The following FAM20C variants were observed in gnomAD, a reference collection of about 807,000 sequenced individuals.
FAM20C encodes the protein extracellular serine/threonine protein kinase FAM20C.
FAM20C carries 40 observed loss-of-function variants against 51.5 expected under a neutral mutation model. That is an observed-to-expected ratio of 0.78 (90% confidence interval 0.60 to 1.01). The LOEUF is 1.01. FAM20C is among the 50% of genes least tolerant of loss of function. The pLI, the probability that FAM20C is intolerant of heterozygous loss-of-function variation, is 0.00. For missense variants in FAM20C, 861 were observed against 844.7 expected, an observed-to-expected ratio of 1.02 and a Z score of -0.24; for synonymous variants, 406 against 380.6, an observed-to-expected ratio of 1.07 and a Z score of -0.78.
chr7:258,764 A>C (rs975818640), intron 9 of FAM20C, 59 bp downstream of exon 9: 27 of 1,456,552 alleles, frequency 1.9e-5, no homozygotes, highest in Middle Eastern at 2.0e-4. Context: ...CGCAGGAGAC[A>C]GAGGAGGCCA....
At chr7:195,352 A>T in intron 1 of FAM20C, 1 of 452,550 alleles carries the variant, frequency 2.2e-6, no homozygotes, top group Non-Finnish European at 3.8e-6. Flanking sequence ...CAGGCCTTTC[A>T]CCGTGTTATT....
chr7:255,895 G>A lies in FAM20C; in HGVS notation c.1119G>A (p.Thr373=), dbSNP rs1325601764. 3.9e-6 allele frequency: 6 copies of A among 1,536,310 alleles called. No homozygotes were observed. Among genetic ancestry groups the A allele is most frequent in the Admixed American group, 2.0e-5 (1 of 50,988 alleles). ...FYGECSYYCS[T]EHALCGKPDQ... ...GCGAGTGTTCCTACTACTGCTCCAC[G>A]GAGCACGCCCTGTGCGGGAAGCCAG... Residue 373 remains threonine (T), a synonymous_variant, in exon 6 of 10, where the codon ACG becomes ACA. Coordinates refer to ENST00000313766, the MANE Select transcript of FAM20C (RefSeq NM_020223.4).
intron 3 of FAM20C, among the ~76,000 whole-genome samples, chr7:218,617 T>C (rs1490609802): frequency 6.6e-6 from 1 of 151,998 alleles, no homozygotes; most frequent in East Asian, 1.9e-4. Flanking sequence ...CCTGGCTCTC[T>C]GGACATGACC....
At position 214,726 on chromosome 7, in the gene FAM20C, C is replaced by T. The variant is rs144202433; in HGVS notation, c.863+5750C>T. Among the ~76,000 whole-genome samples, 40 of 152,190 alleles carry T rather than the reference C, an allele frequency of 2.6e-4. No homozygotes were observed. The East Asian group carries it at 6.8e-3, about 26-fold the overall frequency. On this transcript the variant is annotated intron_variant, in intron 3 of 9. Coordinates refer to ENST00000313766, the MANE Select transcript of FAM20C (RefSeq NM_020223.4). ...CCCTTTTGACCTGGCCTAGGAGACC[C>T]GGCACTGGCTTTCCAGCTTGGAGAA... is the stretch of plus-strand genomic sequence containing the variant.
At chr7:245,639 C>T (rs985659711) in intron 3 of FAM20C, among the ~76,000 whole-genome samples, 7 of 152,248 alleles carry the variant, frequency 4.6e-5, no homozygotes, top group Middle Eastern at 3.2e-3. Flanking sequence ...TGCTCAGACA[C>T]GACCTTGACA....
chr7:231,435 TGGAGGGCCCCGTGGGA>T (rs1282119495), intron 3 of FAM20C, among the ~76,000 whole-genome samples: 1 of 141,564 alleles, frequency 7.1e-6, no homozygotes, highest in Non-Finnish European at 1.5e-5. Flanking sequence ...GGTCCTGGCG[TGGAGGGCCCCGTGGGA>T]GGAGGGTCCC....
rs979602922 is a variant in FAM20C, at chr7:192,892, C to A, written c.-308C>A. The A allele has an allele frequency of 6.7e-6, 1 of 149,204 alleles. No individual in the cohort carries two copies. The highest frequency in any genetic ancestry group is 1.5e-5 in the Non-Finnish European group (1 of 67,214). 9.2% of individuals were successfully genotyped at this position (149,204 alleles called of 1,614,324 possible). A position where few individuals can be genotyped will look rare whatever the true frequency, so the allele number is the denominator to read the frequency against. The stretch of plus-strand genomic sequence containing the variant: ...GCCGGCGGCTGCGAGCGCCGAGCCT[C>A]CCCCTGCTGCGGCCCCAGCCGCCCC... On this transcript the variant is annotated 5_prime_UTR_variant, in exon 1 of 10. Transcript: ENST00000313766.
chr7:236,129 T>C (rs1187731730), intron 3 of FAM20C, among the ~76,000 whole-genome samples: 2 of 151,976 alleles, frequency 1.3e-5, no homozygotes, highest in African/African-American at 2.4e-5. Context: ...TCAGTACTTT[T>C]CCAAAGCCTT....
intron 3 of FAM20C, among the ~76,000 whole-genome samples, chr7:227,243 A>G (rs2115109084): frequency 6.6e-6 from 1 of 151,936 alleles, no homozygotes; most frequent in Non-Finnish European, 1.5e-5. Context: ...AATTGTCACG[A>G]AAGGGAGGGA....
At chr7:240,422 C>G (rs1183528174) in intron 3 of FAM20C, among the ~76,000 whole-genome samples, 43 of 296 alleles carry the variant, frequency 0.15, 1 homozygote, top group South Asian at 1. Flanking sequence ...ATGATGGTGA[C>G]AGTGATGATG....
At chr7:243,084 A>AGG (rs1788006230) in intron 3 of FAM20C, among the ~76,000 whole-genome samples, 2 of 114,580 alleles carry the variant, frequency 1.7e-5, no homozygotes, top group African/African-American at 7.5e-5. Context: ...TGTGCCACCC[A>AGG]AGAGACCTGT....
chr7:218,590 C>T (rs771966326), intron 3 of FAM20C, among the ~76,000 whole-genome samples: 1 of 152,170 alleles, frequency 6.6e-6, no homozygotes, highest in South Asian at 2.1e-4. Context: ...TGCGGCCTCA[C>T]CACCGCTCTG....
chr7:232,519 G>C (rs1787733003), intron 3 of FAM20C, among the ~76,000 whole-genome samples: 1 of 152,236 alleles, frequency 6.6e-6, no homozygotes, highest in Non-Finnish European at 1.5e-5. Flanking sequence ...GCTTAGCACA[G>C]CGCTTAGCTC....
intron 5 of FAM20C, among the ~76,000 whole-genome samples, chr7:249,187 C>T (rs1788297756): frequency 6.6e-6 from 1 of 152,268 alleles, no homozygotes; most frequent in Non-Finnish European, 1.5e-5. Context: ...CTTAAACACA[C>T]TCAGCAGGAC....
chr7:226,790 C>A (rs1481719385), intron 3 of FAM20C, among the ~76,000 whole-genome samples: 1 of 152,222 alleles, frequency 6.6e-6, no homozygotes, highest in Non-Finnish European at 1.5e-5. Context: ...CTGCCCTCAC[C>A]TGGCAGCTAG....
chr7:199,235 C>A (rs1220714377), intron 2 of FAM20C, among the ~76,000 whole-genome samples: 1 of 152,250 alleles, frequency 6.6e-6, no homozygotes, highest in East Asian at 1.9e-4. Flanking sequence ...TGGGTGAAGA[C>A]CCAGCTGCTT....
chr7:255,756 G>A, intron 5 of FAM20C, 93 bp from the exon 6 acceptor site: 1 of 1,399,182 alleles, frequency 7.1e-7, no homozygotes, highest in Non-Finnish European at 9.8e-7. Context: ...AGAAGCACCA[G>A]GCAGAGCCCG....
rs764385814 is a variant in FAM20C at position 256,624 on chromosome 7, G to A, written c.1254-30G>A. ...GCCGGGCTCCCCAGAATCTGGCCTG[G>A]GCCCCCCGTCTCACGCTGGCTCCCC... is the stretch of plus-strand genomic sequence containing the variant. On this transcript the variant is annotated intron_variant, in intron 6 of 9. Coordinates refer to ENST00000313766, the MANE Select transcript of FAM20C (RefSeq NM_020223.4). 2.0e-6 allele frequency: 3 copies of A among 1,516,654 alleles called. No individual in the cohort carries two copies. In the African/African-American group the frequency reaches 4.1e-5, roughly 21 times the overall value. 93.9% of individuals were successfully genotyped at this position (1,516,654 alleles called of 1,614,324 possible). A position where few individuals can be genotyped will look rare whatever the true frequency, so the allele number is the denominator to read the frequency against.
chr7:197,124 AT>A (rs1158167954), intron 2 of FAM20C: 1 of 167,062 alleles, frequency 6.0e-6, no homozygotes, highest in African/African-American at 2.4e-5. Context: ...ATGTTTGTCC[AT>A]TCAGCAGATT....
Sources: gnomAD v4.1 joint callset for allele counts (sites outside exome capture counted in the v4.1 genomes callset) on GRCh38, gnomAD v4.1.1 for gene constraint, MANE v1.5 for transcripts, NCBI Gene and HGNC (gene_info 2026-07-23, HGNC 2026-07-21) for gene names.